MTAP: variants seen among roughly 807,000 people sequenced by gnomAD.
The protein encoded by MTAP is methylthioadenosine phosphorylase, also known as S-methyl-5'-thioadenosine phosphorylase.
In MTAP, 33 loss-of-function variants were observed where a neutral mutation model predicts 33.6. The observed-to-expected ratio is 0.98, with a 90% CI of 0.74 to 1.31. The LOEUF (loss-of-function observed/expected upper bound fraction) is 1.31, where lower values mean the gene tolerates loss of function less well. MTAP is among the 40% of genes most tolerant of loss of function. MTAP has a pLI of 0.00. For missense variants in MTAP, 367 were observed against 360.0 expected, an observed-to-expected ratio of 1.02 and a Z score of -0.16; for synonymous variants, 148 against 125.7, an observed-to-expected ratio of 1.18 and a Z score of -1.19.
At chr9:21,818,810 A>G (rs913397562) in intron 4 of MTAP, among the ~76,000 whole-genome samples, 2 of 152,222 alleles carry the variant, frequency 1.3e-5, no homozygotes, top group African/African-American at 2.4e-5. Context: ...TACTTTAACA[A>G]TTTTGAAATA....
intron 1 of MTAP, among the ~76,000 whole-genome samples, chr9:21,880,776 A>G (rs1483289278): frequency 6.6e-6 from 1 of 152,174 alleles, no homozygotes; most frequent in South Asian, 2.1e-4. Flanking sequence ...ATAAATGGAA[A>G]GACATTTTAT....
At chr9:21,846,552 G>T (rs1459136745) in intron 5 of MTAP, among the ~76,000 whole-genome samples, 9 of 152,144 alleles carry the variant, frequency 5.9e-5, no homozygotes, top group African/African-American at 2.4e-5. Context: ...CCTTACTCCT[G>T]CAAGAATGGC....
At chr9:21,844,842 T>G (rs369895276) in intron 5 of MTAP, among the ~76,000 whole-genome samples, 2 of 152,064 alleles carry the variant, frequency 1.3e-5, no homozygotes, top group Non-Finnish European at 2.9e-5. Flanking sequence ...CCATCCTGGC[T>G]AACACGGTGA....
intron 5 of MTAP, among the ~76,000 whole-genome samples, chr9:21,845,273 T>A (rs1825350840): frequency 6.6e-6 from 1 of 152,102 alleles, no homozygotes; most frequent in African/African-American, 2.4e-5. Flanking sequence ...ATCGTATACC[T>A]AGAAAACCCT....
At chr9:21,815,631 G>C (rs1824455772) in intron 2 of MTAP, 112 bp downstream of exon 2, 1 of 791,180 alleles carries the variant, frequency 1.3e-6, no homozygotes, top group African/African-American at 1.8e-5. Flanking sequence ...GGCAGCCCAG[G>C]GCTGTCTGCT....
chr9:21,814,606 A>G (rs1418966835), intron 1 of MTAP, among the ~76,000 whole-genome samples: 1 of 152,098 alleles, frequency 6.6e-6, no homozygotes, highest in Non-Finnish European at 1.5e-5. Flanking sequence ...TTAATCATCA[A>G]ATTAGATCAA....
At position 21,864,257 on chromosome 9, in the gene MTAP, T is replaced by C. The variant is rs906093832; in HGVS notation, c.*2243T>C. ...TTTGTTCTCAATCATTCACTCCTTA[T>C]GCAAAGCCAATATAATTTTCCTCAT... is the stretch of plus-strand genomic sequence containing the variant. On this transcript the variant is annotated 3_prime_UTR_variant, in exon 8 of 8. Coordinates refer to ENST00000644715, the MANE Select transcript of MTAP (RefSeq NM_002451.4). 1.0e-6 allele frequency: 1 copy of C among 985,456 alleles called. No individual in the cohort carries two copies. Among genetic ancestry groups the C allele is most frequent in the Non-Finnish European group, 1.2e-6 (1 of 829,920 alleles). 61.0% of individuals were successfully genotyped at this position (985,456 alleles called of 1,614,324 possible). A position where few individuals can be genotyped will look rare whatever the true frequency, so the allele number is the denominator to read the frequency against.
intron 1 of MTAP, among the ~76,000 whole-genome samples, chr9:21,809,958 G>A (rs758566926): frequency 1.3e-5 from 2 of 152,200 alleles, no homozygotes; most frequent in African/African-American, 2.4e-5. Context: ...CTTTAAGAGG[G>A]TGTCTGCCCT....
At chr9:21,815,396 C>G (rs1253877991) in intron 1 of MTAP, 37 bp from the exon 2 acceptor site, 1 of 1,367,792 alleles carries the variant, frequency 7.3e-7, no homozygotes, top group Non-Finnish European at 1.0e-6. Context: ...TAAAAATTAC[C>G]AAATACAATA....
At chr9:21,939,192 C>G (rs982276448), downstream of MTAP, among the ~76,000 whole-genome samples, 1 of 152,218 alleles carries the variant, frequency 6.6e-6, no homozygotes, top group Non-Finnish European at 1.5e-5. Flanking sequence ...CGCCATAATT[C>G]TGAGGCCTCC....
intron 1 of MTAP, among the ~76,000 whole-genome samples, chr9:21,889,982 T>G (rs572611999): frequency 1.8e-4 from 27 of 152,220 alleles, no homozygotes; most frequent in African/African-American, 6.5e-4. Context: ...GTTTCTCAGG[T>G]GATAGGAAAG....
chr9:21,859,695 A>G (rs1001749397), intron 7 of MTAP: 2 of 274,782 alleles, frequency 7.3e-6, no homozygotes, highest in African/African-American at 4.4e-5. Flanking sequence ...GCTCTGTAGT[A>G]TCCCTAAGTC....
intron 1 of MTAP, among the ~76,000 whole-genome samples, chr9:21,901,336 G>C (rs1818389736): frequency 6.6e-6 from 1 of 152,134 alleles, no homozygotes; most frequent in Non-Finnish European, 1.5e-5. Context: ...TTGAAGAGTT[G>C]AGCCTTTTAA....
At chr9:21,883,773 A>G (rs1009374503) in intron 1 of MTAP, among the ~76,000 whole-genome samples, 3 of 151,644 alleles carry the variant, frequency 2.0e-5, no homozygotes, top group African/African-American at 7.3e-5. Context: ...GTGTACAGGT[A>G]GGGAAGCAGG....
chr9:21,820,299 T>C (rs940159538), intron 4 of MTAP, among the ~76,000 whole-genome samples: 5 of 152,126 alleles, frequency 3.3e-5, no homozygotes, highest in Admixed American at 2.6e-4. Context: ...GTCTTTAATC[T>C]ATCTTGAATT....
intron 5 of MTAP, among the ~76,000 whole-genome samples, chr9:21,839,803 T>C (rs2118345282): frequency 1.3e-5 from 2 of 152,330 alleles, no homozygotes; most frequent in Admixed American, 1.3e-4. Flanking sequence ...GGTTGTACCA[T>C]ATTCTACCAT....
downstream of MTAP, among the ~76,000 whole-genome samples, chr9:21,869,802 C>A (rs1825909879): frequency 6.6e-6 from 1 of 152,212 alleles, no homozygotes; most frequent in South Asian, 2.1e-4. Context: ...TGTAATAACC[C>A]CTAACAGGTC....
chr9:21,932,273 G>T (rs900373092), downstream of MTAP: 5 of 152,186 alleles, frequency 3.3e-5, no homozygotes, highest in African/African-American at 1.2e-4. Flanking sequence ...GAGACACTTG[G>T]TCTATAGTTT....
In MTAP at chr9:21,883,680, C is replaced by T. The variant is rs910204627; in HGVS notation, c.147+28810C>T. On this transcript the variant is annotated intron_variant, in intron 1 of 1. Transcript: ENST00000577563. ...TCATTGGAGAACGTGTGTTTGGCCA[C>T]TAGATAGCAAAAAAAAAATCTGCTG... Among the ~76,000 whole-genome samples, 4 of 150,812 alleles carry T rather than the reference C, an allele frequency of 2.7e-5. No individual in the cohort carries two copies. The South Asian group carries it at 8.5e-4, about 32-fold the overall frequency.
Sources: gnomAD v4.1 joint callset for allele counts (sites outside exome capture counted in the v4.1 genomes callset) on GRCh38, gnomAD v4.1.1 for gene constraint, MANE v1.5 for transcripts, NCBI Gene and HGNC (gene_info 2026-07-23, HGNC 2026-07-21) for gene names.